The following PIEZO2 variants were observed in gnomAD, a reference collection of about 807,000 sequenced individuals.
PIEZO2 encodes the protein piezo type mechanosensitive ion channel component 2.
A neutral mutation model predicts 337.3 loss-of-function variants in PIEZO2; 172 were observed. That is an observed-to-expected ratio of 0.51 (90% CI 0.45 to 0.58). PIEZO2 has a LOEUF of 0.58. Among genes scored for constraint, PIEZO2 ranks in the 20% least tolerant of loss-of-function variants. PIEZO2 has a pLI of 0.00. For synonymous variants in PIEZO2, 1,251 were observed against 1,228.5 expected, an observed-to-expected ratio of 1.02 and a Z score of -0.38; for missense variants, 3,028 against 3,391.3, an observed-to-expected ratio of 0.89 and a Z score of 2.66.
At chr18:10,955,234 A>G (rs951308418) in intron 3 of PIEZO2, among the ~76,000 whole-genome samples, 1 of 152,246 alleles carries the variant, frequency 6.6e-6, no homozygotes, top group Admixed American at 6.5e-5. Flanking sequence ...TATCAAGATC[A>G]GCCTTAATCT....
At chr18:10,896,328 T>C (rs1428942586) in intron 4 of PIEZO2, among the ~76,000 whole-genome samples, 2 of 152,106 alleles carry the variant, frequency 1.3e-5, no homozygotes, top group Admixed American at 6.5e-5. Flanking sequence ...GGCCTGACCA[T>C]TGGGTTTCAG....
chr18:11,066,267 G>T, intron 1 of PIEZO2, 45 bp from the exon 2 acceptor site: 1 of 1,473,844 alleles, frequency 6.8e-7, no homozygotes, highest in Non-Finnish European at 9.2e-7. Context: ...CATTAACAAA[G>T]GCAGGTTGAC....
In PIEZO2 at chr18:10,812,506, A is replaced by G. The variant is rs186409879; in HGVS notation, c.918-5232T>C. ...ATAGATATAACAAACCTGAACATGT[A>G]CCTCTGAAACTATAATAAAAGTTAT... is the stretch of plus-strand genomic sequence containing the variant. On this transcript the variant is annotated intron_variant, in intron 7 of 55. Transcript: ENST00000674853. Among the ~76,000 whole-genome samples the G allele has an allele frequency of 5.3e-5, 8 of 150,878 alleles. No homozygotes were observed. In the East Asian group the frequency reaches 1.6e-3, roughly 31 times the overall value.
chr18:10,773,434 G>A lies in PIEZO2; in HGVS notation c.2763C>T (p.Ser921=), dbSNP rs545780657. The change falls in exon 20 of 56, where the codon TCC becomes TCT. Residue 921 remains serine, a synonymous_variant. Transcript: ENST00000674853. This position sits in a 1 kb window ranked among gnomAD's most constrained non-coding sequence, Gnocchi z 5.3. ...SEEDGEEEEE[S]EEEEETSDLR... ...TACCTGATGTTTCTTCCTCCTCCTC[G>A]GATTCCTCCTCTTCCTCTCCGTCCT... 7.2e-6 allele frequency: 11 copies of A among 1,537,234 alleles called. No individual in the cohort carries two copies. Among genetic ancestry groups the A allele is most frequent in the African/African-American group, 1.4e-5 (1 of 73,130 alleles).
At chr18:10,994,177 C>T (rs1181682935) in intron 2 of PIEZO2, among the ~76,000 whole-genome samples, 1 of 152,316 alleles carries the variant, frequency 6.6e-6, no homozygotes, top group South Asian at 2.1e-4. Flanking sequence ...GCAGTGAATG[C>T]CATCAATTCA....
chr18:10,722,888 G>A (rs758644629), intron 36 of PIEZO2, among the ~76,000 whole-genome samples: 39 of 151,474 alleles, frequency 2.6e-4, no homozygotes, highest in Non-Finnish European at 1.5e-4. Context: ...AGCAAGGCAT[G>A]AGAACTGGAG....
At position 11,004,600 on chromosome 18, in the gene PIEZO2, T is replaced by C. The variant is rs116017618; in HGVS notation, c.161-24940A>G. Among the ~76,000 whole-genome samples, 971 of 152,288 alleles carry C rather than the reference T, an allele frequency of 6.4e-3. 13 individuals carry two copies. Among genetic ancestry groups the C allele is most frequent in the African/African-American group, 0.022 (911 of 41,564 alleles). On this transcript the variant is annotated intron_variant, in intron 2 of 55. Transcript: ENST00000674853. Reference sequence around the variant, plus strand: ...AGGGAGAAAACGCAAAATAAACCAATAATATACAAGAAATGGCTGCTTTGT... The same window carrying C: ...AGGGAGAAAACGCAAAATAAACCAACAATATACAAGAAATGGCTGCTTTGT...
At chr18:10,751,767 G>A (rs1306230679) in intron 28 of PIEZO2, among the ~76,000 whole-genome samples, 1 of 152,222 alleles carries the variant, frequency 6.6e-6, no homozygotes, top group African/African-American at 2.4e-5. Flanking sequence ...TAAACCTTAA[G>A]TGAGCGCCAG....
Position 10,724,983 on chromosome 18 carries a change from T to A in PIEZO2, c.5029+6424A>T. 1 of 1,586,754 alleles carries A rather than the reference T, an allele frequency of 6.3e-7. No homozygotes were observed. Among genetic ancestry groups the A allele is most frequent in the Non-Finnish European group, 8.6e-7 (1 of 1,160,360 alleles). On this transcript the variant is annotated intron_variant, in intron 36 of 55. Transcript: ENST00000674853. This position sits in a 1 kb window ranked among gnomAD's most constrained non-coding sequence, Gnocchi z 5.8. ...GGCCTGCAGCCTCCCTGCCTCACAT[T>A]ACTAAGACTCAAAGCGATGCAGGCC...
chr18:10,715,054 T>C, intron 38 of PIEZO2, 124 bp from the exon 39 acceptor site: 4 of 944,982 alleles, frequency 4.2e-6, no homozygotes, highest in East Asian at 2.7e-5. Context: ...AGGACCATGC[T>C]AGGCAAGTGG....
At chr18:10,799,160 C>A (rs1057381093) in intron 11 of PIEZO2, among the ~76,000 whole-genome samples, 2 of 152,148 alleles carry the variant, frequency 1.3e-5, no homozygotes, top group Non-Finnish European at 2.9e-5. Flanking sequence ...CGAAAAGGCC[C>A]TTGGAGTATG....
At chr18:10,820,802 G>C (rs1190808995) in intron 7 of PIEZO2, among the ~76,000 whole-genome samples, 1 of 152,138 alleles carries the variant, frequency 6.6e-6, no homozygotes, top group Non-Finnish European at 1.5e-5. Flanking sequence ...CTTTATCCTA[G>C]TAGGCTTGTT....
chr18:10,731,583 C>T (rs992060576), intron 35 of PIEZO2, 62 bp from the exon 36 acceptor site: 1 of 1,036,084 alleles, frequency 9.7e-7, no homozygotes, highest in African/African-American at 1.7e-5. Flanking sequence ...AAGGGACCTA[C>T]ACCAAGCTTC....
Position 11,143,804 on chromosome 18 carries a change from C to T in PIEZO2, c.64+4721G>A, listed in dbSNP as rs1440101082. On this transcript the variant is annotated intron_variant, in intron 1 of 55. Transcript: ENST00000674853. The surrounding 1 kb of genome is among the most constrained non-coding windows in gnomAD (Gnocchi z 4.9). The stretch of plus-strand genomic sequence containing the variant: ...AGTCTGTTAATTTTGACTGAGACAT[C>T]GCCTGAGCATTCTGCTCTCTGCTCA... 6.6e-6 allele frequency among the ~76,000 whole-genome samples: 1 copy of T among 152,186 alleles called. No individual in the cohort carries two copies. The highest frequency in any genetic ancestry group is 1.5e-5 in the Non-Finnish European group (1 of 68,038).
intron 49 of PIEZO2, among the ~76,000 whole-genome samples, chr18:10,685,808 G>A (rs971863045): frequency 9.2e-5 from 14 of 152,164 alleles, no homozygotes; most frequent in African/African-American, 3.4e-4. Flanking sequence ...TACCTAAAGG[G>A]CCTTGTCTTC....
chr18:11,108,243 T>C (rs980274171), intron 1 of PIEZO2, among the ~76,000 whole-genome samples: 1 of 152,204 alleles, frequency 6.6e-6, no homozygotes, highest in African/African-American at 2.4e-5. Flanking sequence ...AGCCAGATTC[T>C]ACCTGCAGAA....
intron 29 of PIEZO2, among the ~76,000 whole-genome samples, chr18:10,749,146 A>G (rs2037544971): frequency 6.6e-6 from 1 of 152,000 alleles, no homozygotes; most frequent in Non-Finnish European, 1.5e-5. Context: ...TAGAAATCAC[A>G]TAATAAAAAA....
At position 10,736,839 on chromosome 18, in the gene PIEZO2, G is replaced by A. The variant is rs1037352419; in HGVS notation, c.4709-129C>T. 4.7e-4 allele frequency: 493 copies of A among 1,051,254 alleles called. 3 individuals carry two copies. The highest frequency in any genetic ancestry group is 1.5e-3 in the South Asian group (87 of 59,118). 65.1% of individuals were successfully genotyped at this position (1,051,254 alleles called of 1,614,324 possible). ...AACCACAACGAAAGATGTTGGCAGA[G>A]AGGAAAACACACAAGATGAAGAGAA... On this transcript the variant is annotated intron_variant, in intron 33 of 55. Coordinates refer to ENST00000674853, the MANE Select transcript of PIEZO2 (RefSeq NM_001378183.1).
At chr18:10,752,597 C>T (rs558572617) in intron 28 of PIEZO2, 39 bp downstream of exon 28, 488 of 1,529,986 alleles carry the variant, frequency 3.2e-4, no homozygotes, top group Non-Finnish European at 1.8e-4. Flanking sequence ...TACTCTTACA[C>T]GAAAACCGCA....
Sources: allele counts gnomAD v4.1 joint callset (sites outside exome capture counted in the v4.1 genomes callset), GRCh38; gene constraint gnomAD v4.1.1; non-coding constraint Gnocchi (gnomAD v3.1); transcripts MANE v1.5; gene names NCBI Gene and HGNC (gene_info 2026-07-23, HGNC 2026-07-21).